Variants in PER3 observed in about 807,000 individuals in gnomAD.
PER3 encodes period circadian protein homolog 3.
A neutral mutation model predicts 127.2 loss-of-function variants in PER3; 107 were observed. The ratio of observed to expected loss-of-function variants is 0.84; its 90% CI spans 0.72 to 0.99. PER3 has a LOEUF of 0.99. PER3 is among the 50% of genes least tolerant of loss of function. The pLI is 0.00. For missense variants in PER3, 1,560 were observed against 1,525.8 expected, an observed-to-expected ratio of 1.02 and a Z score of -0.37; for synonymous variants, 618 against 585.8, an observed-to-expected ratio of 1.05 and a Z score of -0.79.
intron 13 of PER3, among the ~76,000 whole-genome samples, chr1:7,812,018 A>G (rs1282652156): frequency 6.6e-6 from 1 of 152,172 alleles, no homozygotes; most frequent in Non-Finnish European, 1.5e-5. Context: ...TTTACTATAT[A>G]GATTATTATT....
At chr1:7,820,682 A>C in intron 16 of PER3, 42 bp downstream of exon 16, 1 of 1,511,224 alleles carries the variant, frequency 6.6e-7, no homozygotes, top group Non-Finnish European at 9.0e-7. Flanking sequence ...ACTCAACTTT[A>C]ACTACATTGT....
Position 7,786,750 on chromosome 1 carries a change from C to A in PER3, c.304C>A (p.Gln102Lys). Residue 102 changes from glutamine to lysine, a missense_variant, in exon 4 of 22, where the codon CAG (glutamine) becomes AAG (lysine). This residue lies in a region of PER3 where 1,332 missense variants were observed against 1,223.6 expected (regional missense o/e 1.09). Coordinates refer to ENST00000377532, the MANE Select transcript of PER3 (RefSeq NM_001377275.1). Reference sequence around the variant, plus strand: ...CAGTGAGTTTTTCCAGATTCTCAGTCAGAATGGAGCACCTCAGGCAGATGT... The same window carrying A: ...CAGTGAGTTTTTCCAGATTCTCAGTAAGAATGGAGCACCTCAGGCAGATGT... ...ANSEFFQILS[Q>K]NGAPQADVSM... 2 of 1,609,580 alleles carry A rather than the reference C, an allele frequency of 1.2e-6. No individual in the cohort carries two copies. Among genetic ancestry groups the A allele is most frequent in the South Asian group, 2.2e-5 (2 of 90,994 alleles).
At chr1:7,808,327 A>T (rs1040886485) in intron 10 of PER3, among the ~76,000 whole-genome samples, 3 of 151,248 alleles carry the variant, frequency 2.0e-5, no homozygotes, top group African/African-American at 7.3e-5. Context: ...CTTCTTTGTA[A>T]TCCTCTCTGT....
In PER3 at chr1:7,837,555, A is replaced by G. The variant is rs115006111; in HGVS notation, c.3549+406A>G. Among the ~76,000 whole-genome samples the G allele has an allele frequency of 6.6e-3, 1,013 of 152,376 alleles. 8 individuals carry two copies. The highest frequency in any genetic ancestry group is 0.023 in the African/African-American group (939 of 41,586). On this transcript the variant is annotated intron_variant, in intron 21 of 21. Coordinates refer to ENST00000377532, the MANE Select transcript of PER3 (RefSeq NM_001377275.1). Reference sequence around the variant, plus strand: ...AAGATGTAAGATTCACACCAGAGGTAGTATTCATACTAAGCAGAAACTTTA... The same window carrying G: ...AAGATGTAAGATTCACACCAGAGGTGGTATTCATACTAAGCAGAAACTTTA...
intron 10 of PER3, 38 bp from the exon 11 acceptor site, chr1:7,808,855 A>T: frequency 1.9e-6 from 2 of 1,039,852 alleles, no homozygotes; most frequent in Non-Finnish European, 3.0e-6. Flanking sequence ...GACTTCATTT[A>T]AATTGTTTGA....
chr1:7,819,294 A>G lies in PER3; in HGVS notation c.1532A>G (p.Lys511Arg). Residue 511 changes from lysine (K) to arginine (R), a missense_variant, in exon 14 of 22, where the codon AAG becomes AGG. Physicochemically the swap from Lys to Arg is conservative, Grantham distance 26. Coordinates refer to ENST00000377532, the MANE Select transcript of PER3 (RefSeq NM_001377275.1). ...CTTTATTCTGTTTCAGGTGAATGTA[A>G]GACCTTTACTTCCTTCCACCAAACA... is the stretch of plus-strand genomic sequence containing the variant. ...GESANGGGEC[K>R]TFTSFHQTLK... 6.2e-7 allele frequency: 1 copy of G among 1,613,600 alleles called. No homozygotes were observed. The highest frequency in any genetic ancestry group is 8.5e-7 in the Non-Finnish European group (1 of 1,179,614).
Position 7,827,527 on chromosome 1 carries a change from TCCTCTGTTGTCGC to T in PER3, c.2600_2612del (p.Pro867HisfsTer25), listed in dbSNP as rs1395112241. On this transcript the variant is annotated frameshift_variant, in exon 18 of 22. Transcript: ENST00000377532. LOFTEE classifies it high-confidence loss of function. ...TTTTCCTGCCTGACCCCCCTGTCTG[TCCTCTGTTGTCGC>T]CATCGTTTTTGCCATGTCCATTCCT... The T allele has an allele frequency of 6.2e-7, 1 of 1,614,222 alleles. No homozygotes were observed. The highest frequency in any genetic ancestry group is 1.7e-5 in the Admixed American group (1 of 60,030).
intron 13 of PER3, among the ~76,000 whole-genome samples, chr1:7,817,426 C>G (rs772910615): frequency 5.9e-5 from 9 of 152,200 alleles, no homozygotes; most frequent in Non-Finnish European, 8.8e-5. Flanking sequence ...AACAGTGCTT[C>G]AACTGTATCT....
At chr1:7,812,493 T>C (rs228673) in intron 13 of PER3, among the ~76,000 whole-genome samples, 146,490 of 151,600 alleles carry the variant, frequency 0.97, 70,797 homozygotes, top group East Asian at 1. Flanking sequence ...GGCGTGGTGG[T>C]GGGCGCCTCT....
At chr1:7,785,802 C>T (rs2097086122) in intron 3 of PER3, among the ~76,000 whole-genome samples, 1 of 152,164 alleles carries the variant, frequency 6.6e-6, no homozygotes, top group African/African-American at 2.4e-5. Flanking sequence ...TGTATAATAC[C>T]TATGCAATGT....
Position 7,820,194 on chromosome 1 carries a change from G to T in PER3, c.1738G>T (p.Glu580Ter). 3 of 1,613,872 alleles carry T rather than the reference G, an allele frequency of 1.9e-6. No homozygotes were observed. The highest frequency in any genetic ancestry group is 2.5e-6 in the Non-Finnish European group (3 of 1,179,798). Residue 580 changes from glutamate (E) to a stop codon, truncating the protein, a stop_gained, in exon 15 of 22, where the codon GAA (glutamate) becomes TAA (stop). Coordinates refer to ENST00000377532, the MANE Select transcript of PER3 (RefSeq NM_001377275.1). LOFTEE classifies it high-confidence loss of function. ...CTNTTSSSSE[E>*]DKQNHKADDV... ...AAATACAACTTCTTCCTCCTCAGAAGAAGACAAACAGAACCACAAGGCAGA... is the reference window on the plus strand; with the variant it reads ...AAATACAACTTCTTCCTCCTCAGAATAAGACAAACAGAACCACAAGGCAGA...
At chr1:7,825,985 G>A (rs1346847567) in intron 16 of PER3, among the ~76,000 whole-genome samples, 1 of 151,956 alleles carries the variant, frequency 6.6e-6, no homozygotes, top group African/African-American at 2.4e-5. Flanking sequence ...AGGCAGAATC[G>A]CTTGAACCTG....
chr1:7,816,761 A>G (rs1280848824), intron 13 of PER3, among the ~76,000 whole-genome samples: 1 of 152,244 alleles, frequency 6.6e-6, no homozygotes, highest in Non-Finnish European at 1.5e-5. Flanking sequence ...GGAAAGTTTG[A>G]CATTTCCCAT....
At position 7,820,565 on chromosome 1, in the gene PER3, A is replaced by C; in HGVS notation, c.1882A>C (p.Met628Leu). The change falls in exon 16 of 22, where the codon ATG (methionine) becomes CTG (leucine). Residue 628 changes from methionine (M) to leucine (L), a missense_variant. By Grantham distance (15) the Met-to-Leu change is conservative. Transcript: ENST00000377532. ...AGCTCCACAGATCCTGTCCACGGCGATGCTGAGCTTGGGGTCGGGCATAAG... is the reference window on the plus strand; with the variant it reads ...AGCTCCACAGATCCTGTCCACGGCGCTGCTGAGCTTGGGGTCGGGCATAAG... The part of the protein sequence containing the change: ...GGAPQILSTA[M>L]LSLGSGISQC... 6.2e-7 allele frequency: 1 copy of C among 1,614,192 alleles called. No homozygotes were observed. Among genetic ancestry groups the C allele is most frequent in the African/African-American group, 1.3e-5 (1 of 75,054 alleles).
intron 5 of PER3, 74 bp downstream of exon 5, chr1:7,788,320 A>C (rs574753293): frequency 9.6e-7 from 1 of 1,037,276 alleles, no homozygotes; most frequent in East Asian, 2.4e-5. Flanking sequence ...ATAGTACAGA[A>C]ATTAACATAT....
chr1:7,835,673 G>C (rs975191746), intron 19 of PER3, 89 bp from the exon 20 acceptor site: 1 of 902,260 alleles, frequency 1.1e-6, no homozygotes, highest in African/African-American at 1.7e-5. Context: ...GAGGAGGACT[G>C]TCCGAGGCAA....
chr1:7,800,054 A>G (rs963705181), intron 7 of PER3, among the ~76,000 whole-genome samples: 2 of 152,090 alleles, frequency 1.3e-5, no homozygotes, highest in African/African-American at 4.8e-5. Context: ...CTGGGATTAT[A>G]GATGTGAGCC....
intron 5 of PER3, among the ~76,000 whole-genome samples, chr1:7,792,532 A>G (rs1220902136): frequency 6.6e-6 from 1 of 152,082 alleles, no homozygotes; most frequent in Non-Finnish European, 1.5e-5. Flanking sequence ...ATTCTAGTTT[A>G]CTCTTTATAT....
In PER3 at chr1:7,808,890, T is replaced by G. The variant is rs1403643153; in HGVS notation, c.1137-3T>G. ...ACTCAGTCTCTCACTGGGCATTTTC[T>G]AGGAGCCCACTAAATGAGGATGTTT... is the stretch of plus-strand genomic sequence containing the variant. On this transcript the variant is annotated splice_polypyrimidine_tract_variant and splice_region_variant and intron_variant, in intron 10 of 21. Coordinates refer to ENST00000377532, the MANE Select transcript of PER3 (RefSeq NM_001377275.1). 6.6e-7 allele frequency: 1 copy of G among 1,526,692 alleles called. No individual in the cohort carries two copies. The highest frequency in any genetic ancestry group is 1.7e-5 in the Admixed American group (1 of 59,616). 94.6% of individuals were successfully genotyped at this position (1,526,692 alleles called of 1,614,324 possible).
Sources: allele counts gnomAD v4.1 joint callset (sites outside exome capture counted in the v4.1 genomes callset), GRCh38; gene constraint gnomAD v4.1.1; regional missense constraint gnomAD v4.1.1; transcripts MANE v1.5; gene names NCBI Gene and HGNC (gene_info 2026-07-23, HGNC 2026-07-21).